Variants in PRKAR1B observed in about 807,000 individuals in gnomAD.
PRKAR1B encodes protein kinase cAMP-dependent type I regulatory subunit beta, also known as cAMP-dependent protein kinase type I-beta regulatory subunit.
A neutral mutation model predicts 46.5 loss-of-function variants in PRKAR1B; 22 were observed. The observed-to-expected ratio is 0.47, with a 90% confidence interval of 0.34 to 0.68. PRKAR1B has a LOEUF of 0.68. PRKAR1B is among the 30% of genes least tolerant of loss of function. The pLI is 0.01. For missense variants in PRKAR1B, 445 were observed against 535.6 expected, an observed-to-expected ratio of 0.83 and a Z score of 1.67; for synonymous variants, 259 against 217.7, an observed-to-expected ratio of 1.19 and a Z score of -1.67.
intron 2 of PRKAR1B, among the ~76,000 whole-genome samples, chr7:699,675 C>G (rs113076809): frequency 6.6e-6 from 1 of 152,100 alleles, no homozygotes; most frequent in Admixed American, 6.6e-5. Context: ...TGCTGAAGAG[C>G]GGCCAGCTGC....
chr7:629,513 A>G (rs74503442), intron 4 of PRKAR1B, among the ~76,000 whole-genome samples: 78 of 80,238 alleles, frequency 9.7e-4, no homozygotes, highest in Admixed American at 1.8e-3. Context: ...CTCCGAAGGC[A>G]CCACCACCCC....
At chr7:596,622 G>A (rs942586548) in intron 6 of PRKAR1B, among the ~76,000 whole-genome samples, 5 of 152,190 alleles carry the variant, frequency 3.3e-5, no homozygotes, top group Admixed American at 3.3e-4. Context: ...GCGGCACAGC[G>A]GCCCCAGCCT....
At chr7:588,680 G>A (rs1323663328) in intron 7 of PRKAR1B, among the ~76,000 whole-genome samples, 18 of 24,882 alleles carry the variant, frequency 7.2e-4, no homozygotes, top group South Asian at 3.7e-3. Context: ...TGGTGATGAC[G>A]ATGATGGTGA....
chr7:708,125 G>A (rs1257298265), intron 2 of PRKAR1B, among the ~76,000 whole-genome samples: 2 of 128,220 alleles, frequency 1.6e-5, no homozygotes, highest in Admixed American at 8.1e-5. Flanking sequence ...ACCCAAAATC[G>A]CCAGAACCAC....
At chr7:596,373 A>G in intron 6 of PRKAR1B, 69 bp from the exon 7 acceptor site, 6 of 1,539,638 alleles carry the variant, frequency 3.9e-6, no homozygotes, top group Non-Finnish European at 5.3e-6. Flanking sequence ...TCCCATACAG[A>G]AAGTCCCCCT....
intron 9 of PRKAR1B, among the ~76,000 whole-genome samples, chr7:577,618 G>A (rs764551842): frequency 9.9e-5 from 15 of 152,162 alleles, no homozygotes; most frequent in Non-Finnish European, 1.6e-4. Flanking sequence ...CAGAGCCTCC[G>A]GACGACGGAC....
In PRKAR1B at chr7:644,783, C is replaced by T. The variant is rs570375513; in HGVS notation, c.440+32446G>A. ...AGGGCCAGACCCTTCCCCCAGACAC[C>T]TCCCATAGCCTTCCAGGGAAGCGGG... On this transcript the variant is annotated intron_variant, in intron 4 of 10. Transcript: ENST00000537384. The surrounding 1 kb of genome is among the most constrained non-coding windows in gnomAD (Gnocchi z 4.9). Among the ~76,000 whole-genome samples, 24 of 152,300 alleles carry T rather than the reference C, an allele frequency of 1.6e-4. No individual in the cohort carries two copies. The highest frequency in any genetic ancestry group is 5.8e-4 in the African/African-American group (24 of 41,584).
chr7:580,003 C>T (rs1323468548), intron 8 of PRKAR1B, among the ~76,000 whole-genome samples: 3 of 151,994 alleles, frequency 2.0e-5, no homozygotes, highest in Non-Finnish European at 4.4e-5. Context: ...GATGCTAAGG[C>T]GGGAGGATCG....
At chr7:625,734 C>T (rs564498993) in intron 4 of PRKAR1B, among the ~76,000 whole-genome samples, 250 of 152,256 alleles carry the variant, frequency 1.6e-3, no homozygotes, top group Non-Finnish European at 2.5e-3. Flanking sequence ...AGACCAGGCA[C>T]GGTGGCTCAT....
chr7:691,588 G>C, intron 2 of PRKAR1B: 1 of 1,304,354 alleles, frequency 7.7e-7, no homozygotes, highest in Non-Finnish European at 1.0e-6. Flanking sequence ...AGTCCTTTCG[G>C]ACAGCCCAAA....
rs547975710 is a variant in PRKAR1B at position 602,251 on chromosome 7, C to T, written c.549+3942G>A. On this transcript the variant is annotated intron_variant, in intron 6 of 10. Coordinates refer to ENST00000537384, the MANE Select transcript of PRKAR1B (RefSeq NM_001164760.2). The surrounding 1 kb of genome is among the most constrained non-coding windows in gnomAD (Gnocchi z 6.4). ...CTCCGGCACCGGCCTCTCCCACCAC[C>T]CTGTCATGTATGAAGGAGTTACAGA... 1.3e-5 allele frequency among the ~76,000 whole-genome samples: 2 copies of T among 151,736 alleles called. No homozygotes were observed. The highest frequency in any genetic ancestry group is 4.8e-5 in the African/African-American group (2 of 41,364).
At chr7:612,048 C>CGGATGGATGGATGGAT (rs553779459) in intron 4 of PRKAR1B, among the ~76,000 whole-genome samples, 2 of 130,448 alleles carry the variant, frequency 1.5e-5, no homozygotes, top group Admixed American at 7.7e-5. Context: ...AGTAGAATAA[C>CGGATGGATGGATGGAT]GGATGGATGG....
chr7:609,491 G>A (rs1191316119), intron 4 of PRKAR1B, among the ~76,000 whole-genome samples: 1 of 152,158 alleles, frequency 6.6e-6, no homozygotes, highest in Admixed American at 6.5e-5. Context: ...CCGGGCCCAG[G>A]TGTGGAGGGC....
At chr7:665,651 C>T (rs1177832728) in intron 4 of PRKAR1B, among the ~76,000 whole-genome samples, 2 of 152,154 alleles carry the variant, frequency 1.3e-5, no homozygotes, top group Admixed American at 1.3e-4. Flanking sequence ...CGGATGAGGC[C>T]CTGCATTTTC....
rs28410779 is a variant in PRKAR1B, at chr7:593,543, G to A, written c.708+2603C>T. Among the ~76,000 whole-genome samples, 33 of 152,070 alleles carry A rather than the reference G, an allele frequency of 2.2e-4. No homozygotes were observed. The highest frequency in any genetic ancestry group is 7.2e-4 in the African/African-American group (30 of 41,438). ...AAAATCCCCCAGCCGGGAGCGACAGGGCGTCAAGGATGGTGGGGAAACGGC... is the reference window on the plus strand; with the variant it reads ...AAAATCCCCCAGCCGGGAGCGACAGAGCGTCAAGGATGGTGGGGAAACGGC... On this transcript the variant is annotated intron_variant, in intron 7 of 10. Transcript: ENST00000537384. The surrounding 1 kb of genome is among the most constrained non-coding windows in gnomAD (Gnocchi z 6.1).
intron 4 of PRKAR1B, among the ~76,000 whole-genome samples, chr7:622,849 G>A (rs773064501): frequency 6.6e-6 from 1 of 152,212 alleles, no homozygotes; most frequent in Admixed American, 6.5e-5. Flanking sequence ...TCAACATGAC[G>A]CTATCCAGGG....
intron 4 of PRKAR1B, among the ~76,000 whole-genome samples, chr7:674,332 C>T (rs1452630036): frequency 6.6e-6 from 1 of 151,822 alleles, no homozygotes; most frequent in Non-Finnish European, 1.5e-5. Context: ...CTTAGATACT[C>T]CAGCCATGCC....
chr7:726,197 G>A (rs1441385701), intron 1 of PRKAR1B, among the ~76,000 whole-genome samples: 12 of 152,348 alleles, frequency 7.9e-5, no homozygotes, highest in Middle Eastern at 3.4e-3. Flanking sequence ...GGGCGGCTAC[G>A]CCTGAGATCT....
Position 585,437 on chromosome 7 carries a change from G to C in PRKAR1B, c.709-869C>G, listed in dbSNP as rs578017923. ...AAAAACAGAGACACAGAGTCCACCC[G>C]GACAGCAGCAAGCTCGACTTTGCTA... On this transcript the variant is annotated intron_variant, in intron 7 of 10. Transcript: ENST00000537384. Among the ~76,000 whole-genome samples the C allele has an allele frequency of 3.8e-3, 583 of 152,302 alleles. 4 individuals are homozygous for C. Among genetic ancestry groups the C allele is most frequent in the Middle Eastern group, 3.4e-3 (1 of 294 alleles).
Sources: allele counts gnomAD v4.1 joint callset (sites outside exome capture counted in the v4.1 genomes callset), GRCh38; gene constraint gnomAD v4.1.1; non-coding constraint Gnocchi (gnomAD v3.1); transcripts MANE v1.5; gene names NCBI Gene and HGNC (gene_info 2026-07-23, HGNC 2026-07-21).